The following EGFLAM variants were observed in gnomAD, a reference collection of about 807,000 sequenced individuals.
EGFLAM encodes the protein EGF like, fibronectin type III and laminin G domains, also known as pikachurin.
EGFLAM carries 79 observed loss-of-function variants against 113.1 expected under a neutral mutation model. That is an observed-to-expected ratio of 0.70 (90% CI 0.58 to 0.84). EGFLAM has a LOEUF of 0.84. Ranked by LOEUF, EGFLAM falls within the 40% of genes least tolerant of loss-of-function variation. The pLI, the probability that EGFLAM is intolerant of heterozygous loss-of-function variation, is 0.00. For synonymous variants in EGFLAM, 504 were observed against 487.6 expected (o/e 1.03, Z -0.44); for missense variants, 1,265 against 1,291.6 (o/e 0.98, Z 0.32).
chr5:38,371,480 G>A (rs1740210340), intron 6 of EGFLAM, among the ~76,000 whole-genome samples: 1 of 152,096 alleles, frequency 6.6e-6, no homozygotes, highest in Admixed American at 6.5e-5. Context: ...AGATTCAGGA[G>A]GTTCCCCAAA....
chr5:38,352,605 C>T (rs1739658845), intron 5 of EGFLAM, among the ~76,000 whole-genome samples: 1 of 151,486 alleles, frequency 6.6e-6, no homozygotes, highest in Non-Finnish European at 1.5e-5. Flanking sequence ...CGAGATCATG[C>T]CATTGCACTC....
chr5:38,350,717 T>A, intron 4 of EGFLAM, 99 bp downstream of exon 4: 1 of 1,138,174 alleles, frequency 8.8e-7, no homozygotes. Context: ...CCAAGCACTG[T>A]GCTAGGCTCT....
chr5:38,349,994 C>CAG (rs1739579203), intron 3 of EGFLAM, among the ~76,000 whole-genome samples: 1 of 150,618 alleles, frequency 6.6e-6, no homozygotes, highest in Admixed American at 6.6e-5. Flanking sequence ...CACAGACAGA[C>CAG]ACACAGACAT....
At chr5:38,448,152 G>T in intron 17 of EGFLAM, 149 bp from the exon 18 acceptor site, 1 of 840,104 alleles carries the variant, frequency 1.2e-6, no homozygotes, top group Non-Finnish European at 1.9e-6. Flanking sequence ...CTGTGAACCT[G>T]GCCAAATATG....
chr5:38,319,913 C>G (rs766095177), intron 1 of EGFLAM, among the ~76,000 whole-genome samples: 14 of 152,214 alleles, frequency 9.2e-5, no homozygotes, highest in Non-Finnish European at 1.6e-4. Context: ...TTGACTCAGA[C>G]ATTTAGAGAT....
chr5:38,396,151 C>T (rs1740957272), intron 6 of EGFLAM, among the ~76,000 whole-genome samples: 1 of 152,058 alleles, frequency 6.6e-6, no homozygotes, highest in South Asian at 2.1e-4. Flanking sequence ...CACATTTTTT[C>T]TGAACATAAT....
At chr5:38,394,472 C>G (rs926523035) in intron 6 of EGFLAM, among the ~76,000 whole-genome samples, 10 of 151,844 alleles carry the variant, frequency 6.6e-5, no homozygotes, top group Non-Finnish European at 1.5e-4. Flanking sequence ...TGCAGTGGCA[C>G]GATCTCGGCT....
At chr5:38,345,982 C>T (rs1739463357) in intron 3 of EGFLAM, 1 of 152,164 alleles carries the variant, frequency 6.6e-6, no homozygotes, top group Admixed American at 6.5e-5. Flanking sequence ...CTGAATTCAA[C>T]ACGTTTCTGT....
intron 20 of EGFLAM, chr5:38,460,830 T>A (rs895068062): frequency 1.3e-5 from 2 of 152,098 alleles, no homozygotes; most frequent in African/African-American, 2.4e-5. Context: ...GAGATAGGAG[T>A]GTCAATGAAA....
chr5:38,286,117 AAG>A (rs1164457116), intron 1 of EGFLAM: 1 of 152,226 alleles, frequency 6.6e-6, no homozygotes, highest in Admixed American at 6.5e-5. Context: ...CAAAAAAAAA[AAG>A]TAAATATTTG....
At chr5:38,405,528 C>T (rs1175369283) in intron 6 of EGFLAM, among the ~76,000 whole-genome samples, 1 of 152,140 alleles carries the variant, frequency 6.6e-6, no homozygotes, top group Non-Finnish European at 1.5e-5. Flanking sequence ...TTCCTTTCCC[C>T]TACTATATGG....
At chr5:38,392,637 C>CGG (rs1561064450) in intron 6 of EGFLAM, among the ~76,000 whole-genome samples, 1 of 148,908 alleles carries the variant, frequency 6.7e-6, no homozygotes, top group African/African-American at 2.5e-5. Flanking sequence ...TTTGGGGGGG[C>CGG]GGTTCTCACT....
intron 1 of EGFLAM, among the ~76,000 whole-genome samples, chr5:38,322,195 C>T (rs1187962197): frequency 2.6e-5 from 4 of 152,200 alleles, no homozygotes; most frequent in South Asian, 2.1e-4. Context: ...CACAGCAACC[C>T]GTTGGCCACC....
intron 17 of EGFLAM, among the ~76,000 whole-genome samples, chr5:38,442,014 A>T (rs16903972): frequency 0.09 from 13,635 of 152,116 alleles, 1,330 homozygotes; most frequent in African/African-American, 0.24. Flanking sequence ...TCCTCAAGTA[A>T]CCAGTGCTGC....
Position 38,462,965 on chromosome 5 carries a change from C to T in EGFLAM, c.2829C>T (p.Ser943=). 6.2e-7 allele frequency: 1 copy of T among 1,614,046 alleles called. No homozygotes were observed. Among genetic ancestry groups the T allele is most frequent in the Non-Finnish European group, 8.5e-7 (1 of 1,180,000 alleles). Residue 943 remains serine, a synonymous_variant, in exon 21 of 22, where the codon TCC becomes TCT. Transcript: ENST00000322350. ...VDDYGARTGK[S]PGMMRQLNIN... is the part of the protein sequence containing the mutation. ...ACTATGGAGCCAGAACAGGCAAATCCCCAGGCATGATGCGGCAGCTTAACA... is the reference window on the plus strand; with the variant it reads ...ACTATGGAGCCAGAACAGGCAAATCTCCAGGCATGATGCGGCAGCTTAACA...
At chr5:38,462,129 A>C (rs1743301234) in intron 20 of EGFLAM, among the ~76,000 whole-genome samples, 1 of 152,196 alleles carries the variant, frequency 6.6e-6, no homozygotes, top group African/African-American at 2.4e-5. Flanking sequence ...AGATCGCGCC[A>C]CTGCACTCCA....
rs140956108 is a variant in EGFLAM at position 38,461,536 on chromosome 5, C to T, written c.2772-1372C>T. ...TTAATTTTTTTTTTTAAAGGCAGGG[C>T]AAGCAAGGCAAGCTGTTGCGGGTTC... On this transcript the variant is annotated intron_variant, in intron 20 of 21. Transcript: ENST00000322350. 3.4e-3 allele frequency among the ~76,000 whole-genome samples: 517 copies of T among 151,758 alleles called. 5 individuals carry two copies. Among genetic ancestry groups the T allele is most frequent in the African/African-American group, 0.011 (463 of 41,370 alleles).
chr5:38,392,723 G>A (rs1038252387), intron 6 of EGFLAM, among the ~76,000 whole-genome samples: 1 of 151,820 alleles, frequency 6.6e-6, no homozygotes, highest in African/African-American at 2.4e-5. Flanking sequence ...TAGGGTACAT[G>A]TGCACAACGT....
intron 5 of EGFLAM, among the ~76,000 whole-genome samples, chr5:38,355,523 G>T (rs1739742763): frequency 6.6e-6 from 1 of 152,146 alleles, no homozygotes. Context: ...CAATCTCCTT[G>T]TCTGTAAAAC....
Sources: gnomAD v4.1 joint callset for allele counts (sites outside exome capture counted in the v4.1 genomes callset) on GRCh38, gnomAD v4.1.1 for gene constraint, MANE v1.5 for transcripts, NCBI Gene and HGNC (gene_info 2026-07-23, HGNC 2026-07-21) for gene names.